Variants in NUP155 observed in about 807,000 individuals in gnomAD.
NUP155 encodes the protein nuclear pore complex protein Nup155.
Under a neutral mutation model 180.4 loss-of-function variants are expected in NUP155, and 71 were observed. The observed-to-expected ratio is 0.39, with a 90% CI of 0.33 to 0.48. The LOEUF (loss-of-function observed/expected upper bound fraction) is 0.48, where lower values mean the gene tolerates loss of function less well. NUP155 is among the 20% of genes least tolerant of loss of function. The pLI is 0.91. For synonymous variants in NUP155, 582 were observed against 559.5 expected (o/e 1.04, Z -0.57); for missense variants, 1,553 against 1,648.9 (o/e 0.94, Z 1.01).
intron 21 of NUP155, among the ~76,000 whole-genome samples, chr5:37,317,141 C>G (rs969483295): frequency 6.6e-6 from 1 of 151,142 alleles, no homozygotes; most frequent in Non-Finnish European, 1.5e-5. Context: ...TGCACTCCAG[C>G]CTGGGCGACA....
At chr5:37,333,392 C>G in intron 13 of NUP155, 71 bp downstream of exon 13, 1 of 1,318,592 alleles carries the variant, frequency 7.6e-7, no homozygotes, top group Non-Finnish European at 1.1e-6. Context: ...TAAGCCACTA[C>G]TTCAGAGAAC....
At chr5:37,326,904 TAC>T (rs1744633058) in intron 18 of NUP155, among the ~76,000 whole-genome samples, 1 of 152,146 alleles carries the variant, frequency 6.6e-6, no homozygotes, top group African/African-American at 2.4e-5. Context: ...GGTCCACTTA[TAC>T]ACAGATTTTT....
intron 25 of NUP155, 54 bp downstream of exon 25, chr5:37,307,242 CA>C: frequency 6.4e-7 from 1 of 1,553,082 alleles, no homozygotes; most frequent in Admixed American, 1.8e-5. Flanking sequence ...AAACATTATG[CA>C]AAGAAAAGTC....
chr5:37,304,429 G>C (rs1743038946), intron 27 of NUP155, among the ~76,000 whole-genome samples: 1 of 151,952 alleles, frequency 6.6e-6, no homozygotes, highest in Admixed American at 6.6e-5. Context: ...TAGGTAAAAG[G>C]ACATATCTGA....
intron 13 of NUP155, 81 bp from the exon 14 acceptor site, chr5:37,331,876 A>T: frequency 1.1e-6 from 1 of 873,332 alleles, no homozygotes; most frequent in Non-Finnish European, 1.9e-6. Context: ...TATTTGATAA[A>T]ATAAATGAAA....
intron 33 of NUP155, among the ~76,000 whole-genome samples, chr5:37,293,726 G>A (rs560771460): frequency 1.6e-5 from 2 of 123,206 alleles, no homozygotes; most frequent in East Asian, 3.9e-4. Flanking sequence ...TTGGCCGGGC[G>A]CGGTGGCTCA....
intron 21 of NUP155, among the ~76,000 whole-genome samples, chr5:37,317,093 C>T (rs531572317): frequency 4.2e-4 from 63 of 151,630 alleles, no homozygotes; most frequent in Middle Eastern, 6.9e-3. Flanking sequence ...GGAGTGAACC[C>T]GGGAGGTGGA....
chr5:37,341,769 T>G (rs904246625), intron 10 of NUP155, among the ~76,000 whole-genome samples: 5 of 152,178 alleles, frequency 3.3e-5, no homozygotes, highest in African/African-American at 1.2e-4. Context: ...CTTGATCTCC[T>G]GACCTCAGGA....
intron 12 of NUP155, 50 bp from the exon 13 acceptor site, chr5:37,333,683 G>T: frequency 1.4e-6 from 2 of 1,415,112 alleles, no homozygotes; most frequent in Non-Finnish European, 2.0e-6. Flanking sequence ...GTTACATAAT[G>T]CAAAAGAAAA....
At chr5:37,336,570 T>C (rs1400651171) in intron 12 of NUP155, among the ~76,000 whole-genome samples, 3 of 152,110 alleles carry the variant, frequency 2.0e-5, no homozygotes, top group East Asian at 1.9e-4. Context: ...ATTATAACTA[T>C]TATAGAGGAA....
chr5:37,309,093 T>A (rs1561773665), intron 24 of NUP155, 36 bp downstream of exon 24: 1 of 1,604,650 alleles, frequency 6.2e-7, no homozygotes, highest in East Asian at 2.2e-5. Flanking sequence ...GTCTTTTGAG[T>A]TGAGTAAAAG....
At chr5:37,324,574 TGA>T (rs931381542) in intron 19 of NUP155, among the ~76,000 whole-genome samples, 11 of 152,160 alleles carry the variant, frequency 7.2e-5, no homozygotes, top group Non-Finnish European at 1.6e-4. Context: ...TTTTTTTTTT[TGA>T]GAGACAGCGT....
rs564916288 is a variant in NUP155 at position 37,329,610 on chromosome 5, C to T, written c.1725-332G>A. 1.7e-3 allele frequency among the ~76,000 whole-genome samples: 263 copies of T among 152,270 alleles called. 1 individual carries two copies. The highest frequency in any genetic ancestry group is 2.5e-3 in the Non-Finnish European group (170 of 68,004). ...TTAGATAGTACTTCAAAAAACGTTT[C>T]TAACAAAATCACATTTCAAATTCTT... On this transcript the variant is annotated intron_variant, in intron 15 of 34. Transcript: ENST00000231498.
intron 32 of NUP155, among the ~76,000 whole-genome samples, chr5:37,296,579 G>GA (rs1384915696): frequency 6.6e-6 from 1 of 151,234 alleles, no homozygotes; most frequent in East Asian, 1.9e-4. Context: ...CTCTGCCTAG[G>GA]AAAACCAGAG....
Position 37,340,969 on chromosome 5 carries a change from C to T in NUP155, c.1246+121G>A, listed in dbSNP as rs1165528368. The T allele has an allele frequency of 7.2e-6, 6 of 832,106 alleles. No homozygotes were observed. In the African/African-American group the frequency reaches 8.5e-5, roughly 12 times the overall value. 51.5% of individuals were successfully genotyped at this position (832,106 alleles called of 1,614,324 possible). On this transcript the variant is annotated intron_variant, in intron 11 of 34. Transcript: ENST00000231498. Reference sequence around the variant, plus strand: ...ACCCTTGCTCCCCTACTTCCCTGACCCTTCTAGTAGTTCCCAGTTTCTACT... The same window carrying T: ...ACCCTTGCTCCCCTACTTCCCTGACTCTTCTAGTAGTTCCCAGTTTCTACT...
At chr5:37,321,969 C>T (rs1039239914) in intron 20 of NUP155, among the ~76,000 whole-genome samples, 3 of 152,078 alleles carry the variant, frequency 2.0e-5, no homozygotes, top group Non-Finnish European at 4.4e-5. Flanking sequence ...GATTCGCCTG[C>T]CTCAGCCTAG....
intron 7 of NUP155, 34 bp downstream of exon 7, chr5:37,350,126 G>C: frequency 7.0e-7 from 1 of 1,431,058 alleles, no homozygotes; most frequent in Non-Finnish European, 9.9e-7. Context: ...TTAGAAATTA[G>C]TTGTACTTGC....
Position 37,292,933 on chromosome 5 carries a change from T to C in NUP155, c.3983A>G (p.His1328Arg), listed in dbSNP as rs1206678170. Residue 1328 changes from histidine (H) to arginine (R), a missense_variant, in exon 34 of 35, where the codon CAT (histidine) becomes CGT (arginine). His to Arg is a conservative substitution (Grantham distance 29). Coordinates refer to ENST00000231498, the MANE Select transcript of NUP155 (RefSeq NM_153485.3). ...CTCAACATATCTTATCAATAATACA[T>C]GTATACAATCCAAAAGGTGCAGTGG... is the stretch of plus-strand genomic sequence containing the variant. Reference protein sequence around the residue: ...KKPLHLLDCIHVLLIRYVENP... With the variant: ...KKPLHLLDCIRVLLIRYVENP... 3.1e-6 allele frequency: 5 copies of C among 1,612,810 alleles called. No individual in the cohort carries two copies. Among genetic ancestry groups the C allele is most frequent in the East Asian group, 2.2e-5 (1 of 44,718 alleles).
chr5:37,370,725 C>A (rs1209404867), intron 1 of NUP155, 96 bp downstream of exon 1: 1 of 1,611,928 alleles, frequency 6.2e-7, no homozygotes, highest in Non-Finnish European at 8.5e-7. Flanking sequence ...TAAATCTCAG[C>A]ATATCCTCGC....
Sources: gnomAD v4.1 joint callset for allele counts (sites outside exome capture counted in the v4.1 genomes callset) on GRCh38, gnomAD v4.1.1 for gene constraint, MANE v1.5 for transcripts, NCBI Gene and HGNC (gene_info 2026-07-23, HGNC 2026-07-21) for gene names.